Variants in MYPN observed in about 807,000 individuals in gnomAD.
MYPN encodes myopalladin.
MYPN carries 63 observed loss-of-function variants against 129.4 expected under a neutral mutation model. That is an observed-to-expected ratio of 0.49 (90% CI 0.40 to 0.60). MYPN has a LOEUF of 0.60. MYPN is among the 20% of genes least tolerant of loss of function. MYPN has a pLI of 0.00. For synonymous variants in MYPN, 629 were observed against 600.9 expected (o/e 1.05, Z -0.68); for missense variants, 1,596 against 1,635.4 (o/e 0.98, Z 0.42).
At chr10:68,114,103 T>C (rs1320608364) in intron 1 of MYPN, 1 of 152,212 alleles carries the variant, frequency 6.6e-6, no homozygotes, top group African/African-American at 2.4e-5. Flanking sequence ...ACAATCAGAA[T>C]ACTTCACTAT....
intron 3 of MYPN, among the ~76,000 whole-genome samples, chr10:68,143,640 G>A (rs2042612174): frequency 6.6e-6 from 1 of 152,330 alleles, no homozygotes; most frequent in Admixed American, 6.5e-5. Flanking sequence ...GATCACAAAA[G>A]TCCTTGTAGG....
Position 68,156,782 on chromosome 10 carries a change from T to C in MYPN, c.1318-1704T>C, listed in dbSNP as rs188086051. 7.2e-5 allele frequency among the ~76,000 whole-genome samples: 11 copies of C among 152,336 alleles called. No individual in the cohort carries two copies. In the East Asian group the frequency reaches 1.7e-3, roughly 24 times the overall value. ...CGAATGACAAAAGAGAAAAAACGAT[T>C]GGCTTTCCCCTTCTCTGAAGCAAGA... is the stretch of plus-strand genomic sequence containing the variant. On this transcript the variant is annotated intron_variant, in intron 6 of 19. Transcript: ENST00000358913.
At chr10:68,147,510 T>A (rs914323527) in intron 4 of MYPN, among the ~76,000 whole-genome samples, 2 of 152,150 alleles carry the variant, frequency 1.3e-5, no homozygotes, top group African/African-American at 4.8e-5. Flanking sequence ...CAAAGAGATA[T>A]AACACCTAGA....
In MYPN at chr10:68,150,047, G is replaced by C; in HGVS notation, c.1253G>C (p.Ser418Thr). ...TTGCTTCCCTTCTACCAGTGTCAGAGCCCCACCAATTACTTGCAGGGATTG... is the reference window on the plus strand; with the variant it reads ...TTGCTTCCCTTCTACCAGTGTCAGACCCCCACCAATTACTTGCAGGGATTG... ...PRVATIQQCQSPTNYLQGLDG... is the reference protein window; with the variant it reads ...PRVATIQQCQTPTNYLQGLDG... The change falls in exon 6 of 20, where the codon AGC becomes ACC. Residue 418 changes from serine (S) to threonine (T), a missense_variant. Ser to Thr is a moderately conservative substitution (Grantham distance 58). Transcript: ENST00000358913. 6.2e-7 allele frequency: 1 copy of C among 1,613,414 alleles called. No homozygotes were observed. Among genetic ancestry groups the C allele is most frequent in the Non-Finnish European group, 8.5e-7 (1 of 1,179,462 alleles).
At chr10:68,204,369 G>A (rs2043774740) in intron 18 of MYPN, among the ~76,000 whole-genome samples, 1 of 152,142 alleles carries the variant, frequency 6.6e-6, no homozygotes, top group Non-Finnish European at 1.5e-5. Context: ...GTGTCTCTCT[G>A]CGGCCAGGCT....
At chr10:68,127,181 T>C (rs2042338378) in intron 2 of MYPN, among the ~76,000 whole-genome samples, 1 of 151,994 alleles carries the variant, frequency 6.6e-6, no homozygotes, top group Admixed American at 6.6e-5. Context: ...TTTTTTGTAT[T>C]TTCAGTAGAG....
At chr10:68,106,320 G>A, upstream of MYPN, 2 of 357,560 alleles carry the variant, frequency 5.6e-6, no homozygotes, top group Non-Finnish European at 1.1e-5. Flanking sequence ...GTTTTCCCAG[G>A]CAAGCATTTT....
At chr10:68,196,388 C>T (rs1488425565) in intron 15 of MYPN, among the ~76,000 whole-genome samples, 2 of 151,910 alleles carry the variant, frequency 1.3e-5, no homozygotes, top group African/African-American at 4.8e-5. Flanking sequence ...GCTGCTGACA[C>T]AGACGAATTA....
intron 1 of MYPN, among the ~76,000 whole-genome samples, chr10:68,118,439 G>T (rs980648156): frequency 3.9e-5 from 6 of 152,130 alleles, no homozygotes; most frequent in Admixed American, 2.0e-4. Context: ...GCAGAATTTG[G>T]AATTAGATCT....
At chr10:68,146,735 T>G (rs1337494021) in intron 4 of MYPN, among the ~76,000 whole-genome samples, 1 of 152,200 alleles carries the variant, frequency 6.6e-6, no homozygotes, top group African/African-American at 2.4e-5. Context: ...TAGAAAGAAA[T>G]AAAGGCTTGT....
chr10:68,127,652 T>C (rs1237027143), intron 2 of MYPN, among the ~76,000 whole-genome samples: 2 of 152,008 alleles, frequency 1.3e-5, no homozygotes, highest in Non-Finnish European at 2.9e-5. Flanking sequence ...TATATCTTTT[T>C]AAGATAAAGT....
chr10:68,178,042 T>C (rs2134213601), intron 12 of MYPN, among the ~76,000 whole-genome samples: 1 of 152,320 alleles, frequency 6.6e-6, no homozygotes. Flanking sequence ...AATTTATAAA[T>C]TATGTTTTAA....
At chr10:68,119,162 G>A (rs928719378) in intron 1 of MYPN, among the ~76,000 whole-genome samples, 1 of 151,996 alleles carries the variant, frequency 6.6e-6, no homozygotes, top group Non-Finnish European at 1.5e-5. Context: ...GTGCACAAAT[G>A]AGAAAGATTT....
In MYPN at chr10:68,188,898, T is replaced by G. The variant is rs1589602602; in HGVS notation, c.2704-7T>G. The G allele has an allele frequency of 6.2e-7, 1 of 1,612,662 alleles. No individual in the cohort carries two copies. The highest frequency in any genetic ancestry group is 1.7e-5 in the Admixed American group (1 of 59,890). ...TGGAAATTGAAACACGTTTGTCATT[T>G]TGACAGGAGTACAAAATTTCAAGCT... On this transcript the variant is annotated splice_region_variant and splice_polypyrimidine_tract_variant and intron_variant, in intron 12 of 19. Coordinates refer to ENST00000358913, the MANE Select transcript of MYPN (RefSeq NM_032578.4).
intron 2 of MYPN, among the ~76,000 whole-genome samples, chr10:68,135,011 C>T (rs1262486947): frequency 6.6e-6 from 1 of 151,980 alleles, no homozygotes; most frequent in South Asian, 2.1e-4. Flanking sequence ...GAGTACAGTG[C>T]CATGATCTTG....
intron 19 of MYPN, among the ~76,000 whole-genome samples, chr10:68,207,732 A>T (rs956444022): frequency 1.3e-5 from 2 of 152,208 alleles, no homozygotes; most frequent in African/African-American, 4.8e-5. Context: ...GGCGGGATTC[A>T]AAGTGATACC....
chr10:68,109,910 G>A (rs1451955273), intron 1 of MYPN, among the ~76,000 whole-genome samples, 187 bp downstream of exon 1: 6 of 152,152 alleles, frequency 3.9e-5, no homozygotes, highest in Admixed American at 1.3e-4. Context: ...TTTTGGAGGG[G>A]ATTGATGAGA....
chr10:68,118,209 T>A (rs2042185992), intron 1 of MYPN, among the ~76,000 whole-genome samples: 1 of 152,216 alleles, frequency 6.6e-6, no homozygotes. Flanking sequence ...TAAACTTTTT[T>A]AAAGTTCTTC....
Position 68,093,357 on chromosome 10 carries a change from T to A in MYPN, c.-2+5365T>A, listed in dbSNP as rs550934349. On this transcript the variant is annotated intron_variant, in intron 1 of 6. Transcript: ENST00000685154. ...ATGTAGCTGACATCAGAAAGGGGTC[T>A]CGATCCAGACCCCAAGACAGCGTTC... Among the ~76,000 whole-genome samples, 40 of 152,200 alleles carry A rather than the reference T, an allele frequency of 2.6e-4. 1 individual carries two copies. In the South Asian group the frequency reaches 7.9e-3, roughly 30 times the overall value.
Sources: gnomAD v4.1 joint callset for allele counts (sites outside exome capture counted in the v4.1 genomes callset) on GRCh38, gnomAD v4.1.1 for gene constraint, MANE v1.5 for transcripts, NCBI Gene and HGNC (gene_info 2026-07-23, HGNC 2026-07-21) for gene names.